Variants in MALAT1 observed in about 807,000 individuals in gnomAD.
MALAT1 encodes the protein metastasis associated lung adenocarcinoma transcript 1, also known as hepcarcin.
At chr11:65,502,160 C>G (rs1369765030) in exon 3 of MALAT1, 3 of 516,766 alleles carry the variant, frequency 5.8e-6, no homozygotes, top group South Asian at 2.8e-5. Flanking sequence ...AAGTATAGAG[C>G]TTTTGGGGAA....
rs557991282 is a variant in MALAT1 at position 65,499,072 on chromosome 11, T to TA, written n.335_336insA. On this transcript the variant is annotated non_coding_transcript_exon_variant, in exon 3 of 4. Transcript: ENST00000619449. ...GCATTGAGGCAGCCAGCGCAGGGGC[T>TA]TCTGCTGAGGGGGCAGGCGGAGCTT... 1.1e-3 allele frequency: 593 copies of TA among 518,336 alleles called. 2 individuals carry two copies. Among genetic ancestry groups the TA allele is most frequent in the Non-Finnish European group, 1.9e-3 (504 of 259,676 alleles). The allele number at this position is 518,336 out of a possible 1,614,324, so 32.1% of individuals were successfully genotyped here.
At chr11:65,504,459 C>T (rs1166615196) in intron 3 of MALAT1, 5 of 518,690 alleles carry the variant, frequency 9.6e-6, no homozygotes, top group African/African-American at 7.7e-5. Context: ...AGTTGTGTTC[C>T]CCAATGCTTG....
At chr11:65,500,823 T>G (rs1391664081) in exon 3 of MALAT1, 4 of 518,826 alleles carry the variant, frequency 7.7e-6, no homozygotes, top group Non-Finnish European at 1.5e-5. Context: ...TGGTAACCTT[T>G]TATTTATTTT....
intron 3 of MALAT1, chr11:65,505,503 G>A (rs1396857534): frequency 1.9e-6 from 1 of 515,766 alleles, no homozygotes; most frequent in Non-Finnish European, 3.9e-6. Context: ...CTTTTCCCTA[G>A]CTTTTCCAGA....
chr11:65,498,584 C>T (rs754242269), intron 1 of MALAT1: 18 of 518,650 alleles, frequency 3.5e-5, no homozygotes, highest in Non-Finnish European at 5.8e-5. Flanking sequence ...GAAAGTCCGC[C>T]ATTTTGCCAC....
intron 1 of MALAT1, chr11:65,497,969 C>G (rs921749604): frequency 1.9e-6 from 1 of 518,910 alleles, no homozygotes; most frequent in African/African-American, 1.9e-5. Flanking sequence ...GCTGGCCATT[C>G]CAGGTGGTGG....
exon 3 of MALAT1, chr11:65,499,849 G>A (rs1463179503): frequency 7.1e-6 from 3 of 421,450 alleles, no homozygotes; most frequent in African/African-American, 2.1e-5. Flanking sequence ...AAGAAAATTG[G>A]AAGATAGAAA....
chr11:65,506,501 T>C (rs1214296624), downstream of MALAT1: 1 of 272,740 alleles, frequency 3.7e-6, no homozygotes, highest in African/African-American at 2.3e-5. Flanking sequence ...TAAAAAAATC[T>C]TGATTGGGGA....
exon 3 of MALAT1, chr11:65,499,850 AAGAT>A (rs1565676019): frequency 9.5e-6 from 4 of 422,182 alleles, no homozygotes; most frequent in South Asian, 1.8e-5. Flanking sequence ...AGAAAATTGG[AAGAT>A]AGAAACAAGA....
At chr11:65,498,423 G>A in intron 1 of MALAT1, 1 of 518,620 alleles carries the variant, frequency 1.9e-6, no homozygotes, top group East Asian at 5.4e-5. Context: ...GCAGCTCTGT[G>A]GTGTGGGATT....
At chr11:65,503,380 G>A (rs756344211) in exon 3 of MALAT1, 1 of 517,944 alleles carries the variant, frequency 1.9e-6, no homozygotes, top group Non-Finnish European at 3.9e-6. Flanking sequence ...CTTCAGTGAT[G>A]GGATAGTACA....
chr11:65,506,171 G>A (rs1479587483), intron 3 of MALAT1: 2 of 419,332 alleles, frequency 4.8e-6, no homozygotes, highest in South Asian at 1.8e-5. Flanking sequence ...TCCCTGCGGC[G>A]TCTTTGCTTT....
At chr11:65,504,886 A>G (rs770313849) in intron 3 of MALAT1, 3 of 518,786 alleles carry the variant, frequency 5.8e-6, no homozygotes, top group East Asian at 5.4e-5. Flanking sequence ...AAAATAGCCT[A>G]TTTACTTTAA....
intron 1 of MALAT1, chr11:65,498,127 AAGC>A (rs1565671361): frequency 1.9e-6 from 1 of 518,878 alleles, no homozygotes; most frequent in Non-Finnish European, 3.8e-6. Flanking sequence ...ACCCCTAAAA[AAGC>A]AGACCCAGAG....
exon 3 of MALAT1, chr11:65,500,776 G>A: frequency 1.9e-6 from 1 of 519,008 alleles, no homozygotes; most frequent in Non-Finnish European, 3.8e-6. Flanking sequence ...AAAAATCCGT[G>A]AGGTCGGCAA....
chr11:65,499,520 A>T, exon 3 of MALAT1: 1 of 459,694 alleles, frequency 2.2e-6, no homozygotes, highest in Admixed American at 2.5e-5. Context: ...AAGGTGATTA[A>T]AAGACCTTGA....
chr11:65,500,697 CGTT>C (rs1565051799), exon 3 of MALAT1: 1 of 518,942 alleles, frequency 1.9e-6, no homozygotes, highest in South Asian at 1.4e-5. Context: ...GGCGAGCAGG[CGTT>C]GTGCGTAGAG....
exon 3 of MALAT1, chr11:65,500,953 G>A: frequency 2.0e-6 from 1 of 511,694 alleles, no homozygotes; most frequent in Non-Finnish European, 3.9e-6. Flanking sequence ...CTTGTCTGAA[G>A]CTTTTGAGGG....
exon 3 of MALAT1, chr11:65,500,995 G>A (rs752759841): frequency 2.0e-6 from 1 of 511,628 alleles, no homozygotes; most frequent in Admixed American, 2.0e-5. Flanking sequence ...AATAGTAGAT[G>A]GCAAGTTTGT....
Sources: allele counts gnomAD v4.1 joint callset, GRCh38; gene constraint gnomAD v4.1.1; transcripts MANE v1.5; gene names NCBI Gene and HGNC (gene_info 2026-07-23, HGNC 2026-07-21).